Variants in PARD3B observed in about 807,000 individuals in gnomAD.
PARD3B encodes par-3 family cell polarity regulator beta, also known as partitioning defective 3 homolog B.
In PARD3B, 103 loss-of-function variants were observed where a neutral mutation model predicts 130.2. That is an observed-to-expected ratio of 0.79 (90% confidence interval 0.67 to 0.93). PARD3B has a LOEUF of 0.93. PARD3B is among the 40% of genes least tolerant of loss of function. The pLI, the probability that PARD3B is intolerant of heterozygous loss-of-function variation, is 0.00. For missense variants in PARD3B, 1,609 were observed against 1,499.2 expected, an observed-to-expected ratio of 1.07 and a Z score of -1.21; for synonymous variants, 583 against 553.2, an observed-to-expected ratio of 1.05 and a Z score of -0.76.
rs1021883962 is a variant in PARD3B, at chr2:205,562,202, A to G, written c.3260+8799A>G. On this transcript the variant is annotated intron_variant, in intron 22 of 22. Coordinates refer to ENST00000406610, the MANE Select transcript of PARD3B (RefSeq NM_001302769.2). This position sits in a 1 kb window ranked among gnomAD's most constrained non-coding sequence, Gnocchi z 5.4. ...CTCAGATAAAAGTCCATTTTAATCA[A>G]ACTTTTCATCATTTCCTCGTAGCCA... Among the ~76,000 whole-genome samples the G allele has an allele frequency of 2.0e-5, 3 of 152,190 alleles. No individual in the cohort carries two copies. Among genetic ancestry groups the G allele is most frequent in the Non-Finnish European group, 4.4e-5 (3 of 68,024 alleles).
intron 3 of PARD3B, among the ~76,000 whole-genome samples, chr2:205,005,634 CAG>C (rs1200070659): frequency 6.6e-6 from 1 of 151,824 alleles, no homozygotes; most frequent in Non-Finnish European, 1.5e-5. Context: ...GCAAGGCAAA[CAG>C]AAAGAGTATT....
chr2:204,699,603 T>G (rs551651420), intron 2 of PARD3B, among the ~76,000 whole-genome samples: 1 of 152,206 alleles, frequency 6.6e-6, no homozygotes, highest in African/African-American at 2.4e-5. Context: ...ATAAGTAATT[T>G]GCAGATTTAG....
chr2:205,470,854 G>A lies in PARD3B; in HGVS notation c.3045-29042G>A, dbSNP rs911210406. Reference sequence around the variant, plus strand: ...AGGGAAGCTCTTAAACAGCACCCTGGCCCATTACAGACAAGTAGACATGGA... The same window carrying A: ...AGGGAAGCTCTTAAACAGCACCCTGACCCATTACAGACAAGTAGACATGGA... On this transcript the variant is annotated intron_variant, in intron 20 of 22. Coordinates refer to ENST00000406610, the MANE Select transcript of PARD3B (RefSeq NM_001302769.2). This position sits in a 1 kb window ranked among gnomAD's most constrained non-coding sequence, Gnocchi z 4.8. 6.6e-6 allele frequency among the ~76,000 whole-genome samples: 1 copy of A among 152,122 alleles called. No homozygotes were observed. Among genetic ancestry groups the A allele is most frequent in the African/African-American group, 2.4e-5 (1 of 41,416 alleles).
intron 1 of PARD3B, among the ~76,000 whole-genome samples, chr2:204,558,536 TAA>T (rs2031088485): frequency 6.6e-6 from 1 of 151,918 alleles, no homozygotes; most frequent in African/African-American, 2.4e-5. Context: ...CTCGACAAAA[TAA>T]AAGAGGACAC....
intron 15 of PARD3B, among the ~76,000 whole-genome samples, chr2:205,223,161 A>G (rs1472645638): frequency 6.6e-6 from 1 of 152,218 alleles, no homozygotes; most frequent in Non-Finnish European, 1.5e-5. Flanking sequence ...CAAATGAGAA[A>G]AAAACAGGAA....
intron 4 of PARD3B, among the ~76,000 whole-genome samples, chr2:205,069,705 C>CA (rs1700606972): frequency 6.6e-6 from 1 of 152,106 alleles, no homozygotes; most frequent in South Asian, 2.1e-4. Context: ...CCAGAGCCCT[C>CA]ACCCTTCACC....
intron 19 of PARD3B, among the ~76,000 whole-genome samples, chr2:205,409,465 AATGCTTGCGG>A (rs765025675): frequency 2.0e-4 from 30 of 152,142 alleles, no homozygotes; most frequent in Non-Finnish European, 4.1e-4. Context: ...TCTTCTCAGA[AATGCTTGCGG>A]TCACCAACAA....
chr2:205,608,291 G>T (rs1216665921), intron 22 of PARD3B, among the ~76,000 whole-genome samples: 3 of 152,062 alleles, frequency 2.0e-5, no homozygotes, highest in African/African-American at 7.3e-5. Context: ...TTGAACCATT[G>T]TCTGCTACAT....
intron 1 of PARD3B, 25 bp downstream of exon 1, chr2:204,546,144 G>T (rs1481230766): frequency 6.5e-7 from 1 of 1,550,300 alleles, no homozygotes; most frequent in Non-Finnish European, 8.7e-7. Context: ...GAGGAGTGGG[G>T]CGCGGCTGCA....
At chr2:204,946,066 T>C (rs1575385933) in intron 2 of PARD3B, among the ~76,000 whole-genome samples, 2 of 152,218 alleles carry the variant, frequency 1.3e-5, no homozygotes, top group East Asian at 3.9e-4. Context: ...CCTGCAAATA[T>C]AGAATGCATC....
chr2:205,527,570 C>T (rs1463624687), intron 21 of PARD3B, among the ~76,000 whole-genome samples: 1 of 152,120 alleles, frequency 6.6e-6, no homozygotes, highest in African/African-American at 2.4e-5. Context: ...ACCTCAAGTT[C>T]TCCTCTGCCA....
intron 3 of PARD3B, among the ~76,000 whole-genome samples, chr2:205,016,092 C>G (rs12478273): frequency 0.31 from 47,550 of 152,100 alleles, 7,715 homozygotes; most frequent in Admixed American, 0.41. Flanking sequence ...AGCACTATGA[C>G]AATAATCTCT....
intron 10 of PARD3B, among the ~76,000 whole-genome samples, chr2:205,148,649 C>A (rs1288164637): frequency 2.6e-5 from 4 of 151,930 alleles, no homozygotes; most frequent in Non-Finnish European, 5.9e-5. Context: ...CAAAAGTTAA[C>A]AATGGATAAG....
intron 2 of PARD3B, among the ~76,000 whole-genome samples, chr2:204,892,367 G>GA (rs1191389437): frequency 6.6e-6 from 1 of 152,122 alleles, no homozygotes; most frequent in Non-Finnish European, 1.5e-5. Flanking sequence ...GACTTGGAGT[G>GA]AATTGGGCAC....
At chr2:204,590,183 C>G (rs375203491) in intron 1 of PARD3B, among the ~76,000 whole-genome samples, 1 of 152,142 alleles carries the variant, frequency 6.6e-6, no homozygotes, top group African/African-American at 2.4e-5. Flanking sequence ...AGATAGCCAT[C>G]ATCTCTCTGT....
intron 2 of PARD3B, among the ~76,000 whole-genome samples, chr2:204,833,112 C>T (rs145857362): frequency 9.9e-4 from 150 of 152,218 alleles, no homozygotes; most frequent in Middle Eastern, 3.4e-3. Flanking sequence ...TGAAAAATGG[C>T]GAATGCAAAT....
At chr2:204,766,676 A>G (rs954048828) in intron 2 of PARD3B, among the ~76,000 whole-genome samples, 2 of 152,088 alleles carry the variant, frequency 1.3e-5, no homozygotes, top group Admixed American at 6.6e-5. Context: ...TGCAGACATC[A>G]GTGCTGTTAT....
At chr2:205,215,355 G>A (rs1359240553) in intron 15 of PARD3B, among the ~76,000 whole-genome samples, 1 of 151,648 alleles carries the variant, frequency 6.6e-6, no homozygotes, top group Non-Finnish European at 1.5e-5. Context: ...ATAGGATTAA[G>A]AGACACTGCT....
intron 2 of PARD3B, among the ~76,000 whole-genome samples, chr2:204,821,051 G>A (rs972854619): frequency 3.3e-5 from 5 of 152,164 alleles, no homozygotes; most frequent in Non-Finnish European, 5.9e-5. Context: ...CATTGACAAT[G>A]CACTTTGTCG....
Sources: gnomAD v4.1 joint callset for allele counts (sites outside exome capture counted in the v4.1 genomes callset) on GRCh38, gnomAD v4.1.1 for gene constraint, Gnocchi (gnomAD v3.1) non-coding constraint, MANE v1.5 for transcripts, NCBI Gene and HGNC (gene_info 2026-07-23, HGNC 2026-07-21) for gene names.